Variants in DNAAF3 observed in about 807,000 individuals in gnomAD.
The protein encoded by DNAAF3 is UPF0470 protein C19orf51.
A neutral mutation model predicts 50.9 loss-of-function variants in DNAAF3; 40 were observed. That is an observed-to-expected ratio of 0.79 (90% CI 0.61 to 1.02). The LOEUF (loss-of-function observed/expected upper bound fraction) is 1.02. Ranked by LOEUF, DNAAF3 falls within the 50% of genes least tolerant of loss-of-function variation. The pLI, the probability that DNAAF3 is intolerant of heterozygous loss-of-function variation, is 0.00. For synonymous variants in DNAAF3, 327 were observed against 322.8 expected (o/e 1.01, Z -0.14); for missense variants, 763 against 744.7 (o/e 1.02, Z -0.29).
chr19:55,163,194 A>T (rs1410593384), intron 4 of DNAAF3, among the ~76,000 whole-genome samples: 1 of 150,994 alleles, frequency 6.6e-6, no homozygotes, highest in African/African-American at 2.4e-5. Flanking sequence ...TATTTTTAGT[A>T]GAGACGGGGT....
chr19:55,161,715 G>C lies in DNAAF3; in HGVS notation c.591C>G (p.Tyr197Ter). 2 of 1,541,498 alleles carry C rather than the reference G, an allele frequency of 1.3e-6. No individual in the cohort carries two copies. Among genetic ancestry groups the C allele is most frequent in the Non-Finnish European group, 1.7e-6 (2 of 1,146,504 alleles). The change falls in exon 6 of 12, where the codon TAC (tyrosine) becomes TAG (stop). Residue 197 changes from tyrosine (Y) to a stop codon, truncating the protein, a stop_gained. Transcript: ENST00000524407. LOFTEE classifies it high-confidence loss of function. This position sits in a 1 kb window ranked among gnomAD's most constrained non-coding sequence, Gnocchi z 6.4. ...SRLWDSRLRH[Y>*]LGSRYDARRG... ...GCCGGGCGTCGTAGCGGGAGCCCAG[G>C]TAGTGGCGCAGGCGCGAGTCCCAGA...
At position 55,159,253 on chromosome 19, in the gene DNAAF3, G is replaced by A. The variant is rs1555865674; in HGVS notation, c.1435C>T (p.Leu479=). The stretch of plus-strand genomic sequence containing the variant: ...TTGCTGGCTTCAAGAGGCTGGGCCA[G>A]GATGTCAAGGGGCGGAGTTCCGGGT... ...VEPGTPPLDI[L]AQPLEASNPA... Residue 479 remains leucine, a synonymous_variant, in exon 12 of 12, where the codon CTG becomes TTG. Transcript: ENST00000524407. The A allele has an allele frequency of 1.2e-6, 2 of 1,614,014 alleles. No individual in the cohort carries two copies. The highest frequency in any genetic ancestry group is 1.7e-6 in the Non-Finnish European group (2 of 1,180,042).
rs1454537351 is a variant in DNAAF3, at chr19:55,159,569, A to G, written c.1202T>C (p.Val401Ala). The G allele has an allele frequency of 6.2e-7, 1 of 1,606,970 alleles. No individual in the cohort carries two copies. The highest frequency in any genetic ancestry group is 8.5e-7 in the Non-Finnish European group (1 of 1,176,442). Reference protein sequence around the residue: ...HLLIPELGACVAPGGNLIVEL... With the variant: ...HLLIPELGACAAPGGNLIVEL... ...CACAATCAAGTTCCCTCCGGGTGCC[A>G]CACAGGCCCCAAGCTCAGGGATGAG... The change falls in exon 11 of 12, where the codon GTG (valine) becomes GCG (alanine). Residue 401 changes from valine to alanine, a missense_variant. Coordinates refer to ENST00000524407, the MANE Select transcript of DNAAF3 (RefSeq NM_001256715.2).
Position 55,159,110 on chromosome 19 carries a change from C to T in DNAAF3, c.1578G>A (p.Gly526=), listed in dbSNP as rs899636986. The T allele has an allele frequency of 5.6e-6, 9 of 1,611,496 alleles. No individual in the cohort carries two copies. The highest frequency in any genetic ancestry group is 3.3e-5 in the Admixed American group (2 of 59,844). ...ACTCACAGTTGGGCGGAGCCAAGGCCCCCTGAGGCTGAGCCAGAACCTCTG... is the reference window on the plus strand; with the variant it reads ...ACTCACAGTTGGGCGGAGCCAAGGCTCCCTGAGGCTGAGCCAGAACCTCTG... ...SLSEVLAQPQ[G]ALAPPNCESD... Residue 526 remains glycine (G), a synonymous_variant, in exon 12 of 12, where the codon GGG becomes GGA. Coordinates refer to ENST00000524407, the MANE Select transcript of DNAAF3 (RefSeq NM_001256715.2).
In DNAAF3 at chr19:55,162,210, C is replaced by A. The variant is rs773052536; in HGVS notation, c.403G>T (p.Asp135Tyr). Residue 135 changes from aspartate to tyrosine, a missense_variant, in exon 5 of 12, where the codon GAC becomes TAC. Coordinates refer to ENST00000524407, the MANE Select transcript of DNAAF3 (RefSeq NM_001256715.2). ...PVAAFVRAQADLLAHLVPEPD... is the reference protein window; with the variant it reads ...PVAAFVRAQAYLLAHLVPEPD... The stretch of plus-strand genomic sequence containing the variant: ...TCGGGGACCAGGTGCGCCAGCAGGT[C>A]GGCCTGGGCACGCACGAAGGCGGCC... 8.0e-7 allele frequency: 1 copy of A among 1,253,730 alleles called. No individual in the cohort carries two copies. Among genetic ancestry groups the A allele is most frequent in the Non-Finnish European group, 1.0e-6 (1 of 990,794 alleles). The allele number at this position is 1,253,730 out of a possible 1,614,324, so 77.7% of individuals were successfully genotyped here.
chr19:55,160,628 T>G lies in DNAAF3; in HGVS notation c.1048+12A>C. On this transcript the variant is annotated intron_variant, in intron 9 of 11. Transcript: ENST00000524407. The surrounding 1 kb of genome is among the most constrained non-coding windows in gnomAD (Gnocchi z 4.7). ...GGAGTCCCTGGCTTACCTGTTGTTG[T>G]CCCTGGCTTACCTGGAGTCCCTGGC... is the stretch of plus-strand genomic sequence containing the variant. 1 of 1,604,286 alleles carries G rather than the reference T, an allele frequency of 6.2e-7. No homozygotes were observed. Among genetic ancestry groups the G allele is most frequent in the Non-Finnish European group, 8.5e-7 (1 of 1,177,820 alleles).
intron 4 of DNAAF3, among the ~76,000 whole-genome samples, chr19:55,164,569 G>T (rs562877238): frequency 1.3e-5 from 2 of 152,016 alleles, no homozygotes; most frequent in African/African-American, 4.8e-5. Flanking sequence ...TTGTCGCCCA[G>T]GCTGGAGTGC....
At position 55,166,563 on chromosome 19, in the gene DNAAF3, C is replaced by T. The variant is rs1245290777; in HGVS notation, c.-45G>A. On this transcript the variant is annotated 5_prime_UTR_variant, in exon 1 of 12. Transcript: ENST00000524407. This position sits in a 1 kb window ranked among gnomAD's most constrained non-coding sequence, Gnocchi z 4.0. ...ATCCCGGGACGCCCCTTCCTCTCTG[C>T]TCAGTGCAGCACTGTGGACCCGCGG... 5.0e-6 allele frequency: 8 copies of T among 1,614,114 alleles called. No homozygotes were observed. The highest frequency in any genetic ancestry group is 6.8e-6 in the Non-Finnish European group (8 of 1,180,052).
In DNAAF3 at chr19:55,166,225, T is replaced by C. The variant is rs2085936260; in HGVS notation, c.85+104A>G. On this transcript the variant is annotated intron_variant, in intron 2 of 11. Transcript: ENST00000524407. The surrounding 1 kb of genome is among the most constrained non-coding windows in gnomAD (Gnocchi z 4.0). ...CTGCCGCTGGAGCGTTGGAGAACGT[T>C]AGCGCCCCCCTTGCCACCGACGCTG... 6.5e-7 allele frequency: 1 copy of C among 1,549,162 alleles called. No individual in the cohort carries two copies. The highest frequency in any genetic ancestry group is 8.7e-7 in the Non-Finnish European group (1 of 1,146,652).
At position 55,161,028 on chromosome 19, in the gene DNAAF3, C is replaced by T; in HGVS notation, c.912+37G>A. 6.6e-7 allele frequency: 1 copy of T among 1,509,624 alleles called. No individual in the cohort carries two copies. 93.5% of individuals were successfully genotyped at this position (1,509,624 alleles called of 1,614,324 possible). On this transcript the variant is annotated intron_variant, in intron 8 of 11. Transcript: ENST00000524407. The surrounding 1 kb of genome is among the most constrained non-coding windows in gnomAD (Gnocchi z 6.4). The stretch of plus-strand genomic sequence containing the variant: ...GCCTTGCGCACCCACCGACCCCCAG[C>T]CCCACCTCTACCCCCAGTCCCAGCC...
At chr19:55,163,506 A>T (rs2085882828) in intron 4 of DNAAF3, among the ~76,000 whole-genome samples, 1 of 151,604 alleles carries the variant, frequency 6.6e-6, no homozygotes, top group African/African-American at 2.4e-5. Flanking sequence ...TGACCAGGCC[A>T]GTCTCAAACT....
intron 4 of DNAAF3, among the ~76,000 whole-genome samples, chr19:55,163,053 A>G (rs1363616549): frequency 2.5e-5 from 3 of 119,986 alleles, no homozygotes; most frequent in Non-Finnish European, 4.8e-5. Flanking sequence ...TCTGTCGCCT[A>G]GACTGTAGTG....
intron 4 of DNAAF3, 190 bp from the exon 5 acceptor site, chr19:55,162,480 G>C (rs575619927): frequency 2.4e-6 from 2 of 830,440 alleles, no homozygotes; most frequent in Non-Finnish European, 1.6e-6. Context: ...CCAGTTACTC[G>C]GGAGGCTGAG....
At position 55,160,025 on chromosome 19, in the gene DNAAF3, G is replaced by C. The variant is rs2085793294; in HGVS notation, c.1049-12C>G. ...CGGGGTCGGGGCTGCTGGGGGAAGGGGATAGAGGGGTCACCTCTGACAGGC... is the reference window on the plus strand; with the variant it reads ...CGGGGTCGGGGCTGCTGGGGGAAGGCGATAGAGGGGTCACCTCTGACAGGC... On this transcript the variant is annotated splice_polypyrimidine_tract_variant and intron_variant, in intron 9 of 11. Coordinates refer to ENST00000524407, the MANE Select transcript of DNAAF3 (RefSeq NM_001256715.2). The surrounding 1 kb of genome is among the most constrained non-coding windows in gnomAD (Gnocchi z 4.7). The C allele has an allele frequency of 1.3e-6, 2 of 1,528,038 alleles. No individual in the cohort carries two copies. The highest frequency in any genetic ancestry group is 1.8e-6 in the Non-Finnish European group (2 of 1,104,322). The allele number at this position is 1,528,038 out of a possible 1,614,324, so 94.7% of individuals were successfully genotyped here.
Position 55,160,586 on chromosome 19 carries a change from T to C in DNAAF3, c.1048+54A>G. 1 of 1,613,202 alleles carries C rather than the reference T, an allele frequency of 6.2e-7. No individual in the cohort carries two copies. The highest frequency in any genetic ancestry group is 8.5e-7 in the Non-Finnish European group (1 of 1,179,708). On this transcript the variant is annotated intron_variant, in intron 9 of 11. Coordinates refer to ENST00000524407, the MANE Select transcript of DNAAF3 (RefSeq NM_001256715.2). This position sits in a 1 kb window ranked among gnomAD's most constrained non-coding sequence, Gnocchi z 4.7. ...AATCATGTCAGTCCACACTCCAGTG[T>C]GAAACACCTGGAGGCTGGAGTCCCT...
At position 55,161,990 on chromosome 19, in the gene DNAAF3, G is replaced by T; in HGVS notation, c.480+143C>A. ...AGCAGAAGCCACCTCCTGCCCCCAG[G>T]CCAAATCCCACAGTGGGAGTCGGGG... On this transcript the variant is annotated intron_variant, in intron 5 of 11. Coordinates refer to ENST00000524407, the MANE Select transcript of DNAAF3 (RefSeq NM_001256715.2). This position sits in a 1 kb window ranked among gnomAD's most constrained non-coding sequence, Gnocchi z 6.4. The T allele has an allele frequency of 7.4e-7, 1 of 1,344,656 alleles. No homozygotes were observed. The highest frequency in any genetic ancestry group is 9.6e-7 in the Non-Finnish European group (1 of 1,046,172). 83.3% of individuals were successfully genotyped at this position (1,344,656 alleles called of 1,614,324 possible).
rs1168423949 is a variant in DNAAF3 at position 55,160,686 on chromosome 19, C to T, written c.1002G>A (p.Leu334=). 6.2e-7 allele frequency: 1 copy of T among 1,613,848 alleles called. No individual in the cohort carries two copies. The highest frequency in any genetic ancestry group is 8.5e-7 in the Non-Finnish European group (1 of 1,179,978). ...WGRARATGGD[L]EEQQHAEGSP... ...TTCCCTCCGCGTGCTGCTGCTCCTC[C>T]AGGTCCCCCCCGGTGGCTCTCGCGC... The change falls in exon 9 of 12, where the codon CTG becomes CTA. Residue 334 remains leucine (L), a synonymous_variant. Transcript: ENST00000524407. This position sits in a 1 kb window ranked among gnomAD's most constrained non-coding sequence, Gnocchi z 4.7.
rs770625793 is a variant in DNAAF3, at chr19:55,160,634, G to T, written c.1048+6C>A. ...CCTGGCTTACCTGTTGTTGTCCCTG[G>T]CTTACCTGGAGTCCCTGGCTCCGGG... On this transcript the variant is annotated splice_donor_region_variant and intron_variant, in intron 9 of 11. Transcript: ENST00000524407. The surrounding 1 kb of genome is among the most constrained non-coding windows in gnomAD (Gnocchi z 4.7). The T allele has an allele frequency of 1.2e-6, 2 of 1,608,918 alleles. No homozygotes were observed. The highest frequency in any genetic ancestry group is 1.7e-6 in the Non-Finnish European group (2 of 1,178,976).
In DNAAF3 at chr19:55,166,583, C is replaced by T; in HGVS notation, c.-65G>A. ...CTCTGCTCAGTGCAGCACTGTGGACCCGCGGCACTCCACAACCGCTGCCCA... is the reference window on the plus strand; with the variant it reads ...CTCTGCTCAGTGCAGCACTGTGGACTCGCGGCACTCCACAACCGCTGCCCA... On this transcript the variant is annotated 5_prime_UTR_variant, in exon 1 of 12. Coordinates refer to ENST00000524407, the MANE Select transcript of DNAAF3 (RefSeq NM_001256715.2). This position sits in a 1 kb window ranked among gnomAD's most constrained non-coding sequence, Gnocchi z 4.0. 6.2e-7 allele frequency: 1 copy of T among 1,614,170 alleles called. No homozygotes were observed. Among genetic ancestry groups the T allele is most frequent in the Non-Finnish European group, 8.5e-7 (1 of 1,180,016 alleles).
Sources: gnomAD v4.1 joint callset for allele counts (sites outside exome capture counted in the v4.1 genomes callset) on GRCh38, gnomAD v4.1.1 for gene constraint, Gnocchi (gnomAD v3.1) non-coding constraint, MANE v1.5 for transcripts, NCBI Gene and HGNC (gene_info 2026-07-23, HGNC 2026-07-21) for gene names.